ATP6V1E1: variants seen among roughly 807,000 people sequenced by gnomAD.
ATP6V1E1 encodes the protein V-type proton ATPase subunit E 1.
Under a neutral mutation model 35.2 loss-of-function variants are expected in ATP6V1E1, and 21 were observed. The observed-to-expected ratio is 0.60, with a 90% CI of 0.42 to 0.86. The LOEUF is 0.86. Among genes scored for constraint, ATP6V1E1 ranks in the 40% least tolerant of loss-of-function variants. ATP6V1E1 has a pLI of 0.00. For synonymous variants in ATP6V1E1, 83 were observed against 87.8 expected (o/e 0.95, Z 0.30); for missense variants, 183 against 272.6 (o/e 0.67, Z 2.32).
intron 4 of ATP6V1E1, among the ~76,000 whole-genome samples, chr22:17,609,538 A>G (rs9605333): frequency 0.35 from 49,233 of 139,228 alleles, 8,780 homozygotes; most frequent in African/African-American, 0.42. Context: ...GTGCGATCTC[A>G]GCTCACTGCA....
chr22:17,624,468 C>T (rs2057893508), intron 1 of ATP6V1E1, among the ~76,000 whole-genome samples: 1 of 152,022 alleles, frequency 6.6e-6, no homozygotes, highest in African/African-American at 2.4e-5. Flanking sequence ...GCAGGAGGAT[C>T]GCTTGAACCC....
chr22:17,618,252 A>G (rs1161769581), intron 2 of ATP6V1E1, among the ~76,000 whole-genome samples: 5 of 152,318 alleles, frequency 3.3e-5, no homozygotes, highest in South Asian at 4.1e-4. Flanking sequence ...TGAATCATAC[A>G]TTACTTTTCT....
intron 6 of ATP6V1E1, among the ~76,000 whole-genome samples, chr22:17,599,105 GGAGAAGAGAA>G (rs112092538): frequency 6.6e-6 from 1 of 152,008 alleles, no homozygotes; most frequent in Non-Finnish European, 1.5e-5. Context: ...GGTGAATGGG[GGAGAAGAGAA>G]GAGAAGAGAA....
intron 2 of ATP6V1E1, among the ~76,000 whole-genome samples, chr22:17,613,645 C>T (rs570091749): frequency 1.3e-5 from 2 of 151,776 alleles, no homozygotes; most frequent in African/African-American, 4.8e-5. Flanking sequence ...TACTGGTGGG[C>T]CAATAAATAT....
chr22:17,610,340 T>G (rs182778143), intron 4 of ATP6V1E1, among the ~76,000 whole-genome samples: 16 of 152,150 alleles, frequency 1.1e-4, no homozygotes, highest in African/African-American at 3.4e-4. Flanking sequence ...ACAAGTCAAG[T>G]CAAATCCACT....
intron 1 of ATP6V1E1, 49 bp from the exon 2 acceptor site, chr22:17,619,575 C>A (rs2057864719): frequency 1.4e-6 from 2 of 1,425,050 alleles, no homozygotes; most frequent in South Asian, 2.5e-5. Flanking sequence ...ATGGAAATAT[C>A]TTTTCTGATT....
At chr22:17,596,480 C>G (rs1284686799) in intron 7 of ATP6V1E1, among the ~76,000 whole-genome samples, 1 of 152,024 alleles carries the variant, frequency 6.6e-6, no homozygotes, top group Non-Finnish European at 1.5e-5. Flanking sequence ...CACACCCACT[C>G]CCCTTCCACC....
intron 7 of ATP6V1E1, among the ~76,000 whole-genome samples, chr22:17,596,298 T>C (rs1318375213): frequency 6.6e-6 from 1 of 151,880 alleles, no homozygotes; most frequent in African/African-American, 2.4e-5. Context: ...AGGTGGAGCA[T>C]AGTAGGAGGT....
intron 4 of ATP6V1E1, among the ~76,000 whole-genome samples, chr22:17,605,262 G>A (rs961561205): frequency 1.2e-4 from 16 of 138,830 alleles, no homozygotes; most frequent in African/African-American, 4.4e-4. Flanking sequence ...TAGGCATGGT[G>A]GCTCACGCCT....
intron 4 of ATP6V1E1, among the ~76,000 whole-genome samples, chr22:17,602,176 G>A (rs2057765066): frequency 6.6e-6 from 1 of 152,096 alleles, no homozygotes; most frequent in South Asian, 2.1e-4. Flanking sequence ...CAAAGTGCTG[G>A]GATTACAGGA....
chr22:17,612,727 CTTAA>C (rs1394270196), intron 4 of ATP6V1E1, 81 bp downstream of exon 4: 4 of 1,086,214 alleles, frequency 3.7e-6, no homozygotes, highest in East Asian at 5.3e-5. Context: ...CAATCAACTC[CTTAA>C]TTAATGTTAA....
intron 4 of ATP6V1E1, among the ~76,000 whole-genome samples, chr22:17,607,816 T>C (rs928972888): frequency 6.6e-6 from 1 of 152,168 alleles, no homozygotes; most frequent in Non-Finnish European, 1.5e-5. Flanking sequence ...GGAATGAACA[T>C]CTGCATTTTA....
intron 4 of ATP6V1E1, among the ~76,000 whole-genome samples, chr22:17,602,196 C>A (rs2057765131): frequency 6.6e-6 from 1 of 152,162 alleles, no homozygotes; most frequent in Admixed American, 6.5e-5. Context: ...AGTGTGCCAA[C>A]ATATCCAGCC....
intron 1 of ATP6V1E1, 77 bp downstream of exon 1, chr22:17,628,526 G>A: frequency 6.3e-7 from 1 of 1,599,080 alleles, no homozygotes; most frequent in Non-Finnish European, 8.6e-7. Context: ...CAAGGCCCGC[G>A]GCCTTCCCTA....
At chr22:17,628,779 C>G, upstream of ATP6V1E1, 4 of 1,077,288 alleles carry the variant, frequency 3.7e-6, no homozygotes, top group Middle Eastern at 2.0e-4. Flanking sequence ...TGCCAGGTGA[C>G]TGCACAGTTC....
intron 1 of ATP6V1E1, among the ~76,000 whole-genome samples, chr22:17,626,165 G>A (rs2057903431): frequency 6.6e-6 from 1 of 151,896 alleles, no homozygotes; most frequent in Non-Finnish European, 1.5e-5. Flanking sequence ...AAATTAGCCA[G>A]GCGTGGTGGC....
At chr22:17,625,568 G>C (rs5747290) in intron 1 of ATP6V1E1, among the ~76,000 whole-genome samples, 81,290 of 151,928 alleles carry the variant, frequency 0.54, 23,575 homozygotes, top group African/African-American at 0.76. Context: ...GGCGTGAGCC[G>C]GCCAGGAAAA....
intron 2 of ATP6V1E1, among the ~76,000 whole-genome samples, chr22:17,613,894 G>C (rs933983117): frequency 6.6e-6 from 1 of 152,206 alleles, no homozygotes; most frequent in Non-Finnish European, 1.5e-5. Context: ...GTGAACCCGG[G>C]AGGCAGAGCT....
At chr22:17,598,049 C>A (rs1016619586) in intron 7 of ATP6V1E1, 145 bp downstream of exon 7, 12 of 655,266 alleles carry the variant, frequency 1.8e-5, no homozygotes, top group African/African-American at 1.1e-4. Flanking sequence ...ACAACAGGAA[C>A]GGCTGCAAGT....
Sources: gnomAD v4.1 joint callset for allele counts (sites outside exome capture counted in the v4.1 genomes callset) on GRCh38, gnomAD v4.1.1 for gene constraint, MANE v1.5 for transcripts, NCBI Gene and HGNC (gene_info 2026-07-23, HGNC 2026-07-21) for gene names.